IPO5: variants seen among roughly 807,000 people sequenced by gnomAD.
IPO5 encodes the protein importin-5.
IPO5 carries 18 observed loss-of-function variants against 143.3 expected under a neutral mutation model. The ratio of observed to expected loss-of-function variants is 0.13; its 90% confidence interval spans 0.09 to 0.19. IPO5 has a LOEUF of 0.19. Ranked by LOEUF, IPO5 falls within the 10% of genes least tolerant of loss-of-function variation. The pLI, the probability that IPO5 is intolerant of heterozygous loss-of-function variation, is 1.00. For synonymous variants in IPO5, 477 were observed against 465.7 expected (o/e 1.02, Z -0.31); for missense variants, 1,013 against 1,336.9 (o/e 0.76, Z 3.78).
At chr13:98,019,888 AAG>A in intron 27 of IPO5, 79 bp downstream of exon 27, 1 of 906,330 alleles carries the variant, frequency 1.1e-6, no homozygotes, top group Non-Finnish European at 1.8e-6. Flanking sequence ...TCAGTCTTTT[AAG>A]GTTTAACCAC....
At chr13:97,985,941 G>A (rs1887304291) in intron 6 of IPO5, among the ~76,000 whole-genome samples, 2 of 151,940 alleles carry the variant, frequency 1.3e-5, no homozygotes, top group Non-Finnish European at 2.9e-5. Context: ...TGGGCAACAT[G>A]GCAAAACCCC....
At chr13:98,017,038 T>TTCC (rs750119578) in intron 25 of IPO5, among the ~76,000 whole-genome samples, 187 bp downstream of exon 25, 53 of 152,238 alleles carry the variant, frequency 3.5e-4, no homozygotes, top group Non-Finnish European at 7.2e-4. Flanking sequence ...TGCTTGAAGA[T>TTCC]TCCTAACTTG....
At chr13:98,006,873 T>G (rs567290746) in intron 17 of IPO5, among the ~76,000 whole-genome samples, 35 of 149,490 alleles carry the variant, frequency 2.3e-4, no homozygotes, top group African/African-American at 7.4e-4. Flanking sequence ...GGTGTTTTTT[T>G]TTTTTTTTTT....
intron 2 of IPO5, among the ~76,000 whole-genome samples, chr13:97,966,459 T>G (rs1885345751): frequency 6.6e-6 from 1 of 152,192 alleles, no homozygotes; most frequent in Admixed American, 6.5e-5. Context: ...AACCTTTCAT[T>G]CCTGGGATAA....
chr13:97,996,928 A>G (rs1386735837), intron 11 of IPO5, among the ~76,000 whole-genome samples: 2 of 152,190 alleles, frequency 1.3e-5, no homozygotes, highest in African/African-American at 4.8e-5. Context: ...TGAAGATAGT[A>G]ATAACAATTT....
At chr13:98,002,087 C>G (rs1391006354) in intron 13 of IPO5, 1 of 156,480 alleles carries the variant, frequency 6.4e-6, no homozygotes, top group East Asian at 1.9e-4. Context: ...GATCTCGGCT[C>G]ACTGCAAGCT....
chr13:97,999,692 A>G (rs993863854), intron 12 of IPO5, among the ~76,000 whole-genome samples: 1 of 152,212 alleles, frequency 6.6e-6, no homozygotes, highest in Admixed American at 6.5e-5. Flanking sequence ...TTTTATGCCC[A>G]CATTCCTTTG....
chr13:97,998,645 T>A (rs1036920760), intron 12 of IPO5, among the ~76,000 whole-genome samples: 5 of 152,192 alleles, frequency 3.3e-5, no homozygotes, highest in African/African-American at 1.2e-4. Flanking sequence ...GCCCCTTACA[T>A]GTATGTGAAA....
chr13:97,996,618 T>C (rs1822918602), intron 11 of IPO5, among the ~76,000 whole-genome samples: 1 of 152,188 alleles, frequency 6.6e-6, no homozygotes, highest in South Asian at 2.1e-4. Flanking sequence ...TTTTTTCTTT[T>C]TTTAGACAGA....
intron 6 of IPO5, among the ~76,000 whole-genome samples, chr13:97,988,854 G>T (rs1887589873): frequency 6.7e-6 from 1 of 150,308 alleles, no homozygotes; most frequent in African/African-American, 2.4e-5. Flanking sequence ...TGGTTTGTTG[G>T]TTTGTTTGGT....
intron 1 of IPO5, 28 bp downstream of exon 1, chr13:97,953,744 G>C (rs1377815764): frequency 3.1e-6 from 1 of 325,046 alleles, no homozygotes; most frequent in African/African-American, 2.2e-5. Context: ...CTCACATTCA[G>C]ATGAAACCAT....
intron 4 of IPO5, among the ~76,000 whole-genome samples, chr13:97,981,661 C>T (rs2139635871): frequency 6.6e-6 from 1 of 152,328 alleles, no homozygotes; most frequent in Middle Eastern, 3.4e-3. Context: ...TACTAAGAGG[C>T]TTCTTAGAGT....
At chr13:97,965,303 C>T (rs1885236362) in intron 2 of IPO5, among the ~76,000 whole-genome samples, 1 of 151,984 alleles carries the variant, frequency 6.6e-6, no homozygotes, top group Non-Finnish European at 1.5e-5. Context: ...CACATGTATA[C>T]CTATGTAACA....
At chr13:97,995,757 AAATAATAAT>A (rs796361663) in intron 11 of IPO5, among the ~76,000 whole-genome samples, 1 of 151,616 alleles carries the variant, frequency 6.6e-6, no homozygotes, top group South Asian at 2.1e-4. Flanking sequence ...TCTGTCTCAA[AAATAATAAT>A]AATAATAATA....
chr13:97,954,130 G>T lies in IPO5; in HGVS notation c.-181G>T, dbSNP rs1299684105. The stretch of plus-strand genomic sequence containing the variant: ...TTTATTTCACTTAGGTGGTTCCGGG[G>T]AGAAGCCTTTCCAGGACCCATGTGT... On this transcript the variant is annotated 5_prime_UTR_variant, in exon 2 of 29. Transcript: ENST00000651721. The T allele has an allele frequency of 7.8e-6, 2 of 255,086 alleles. No homozygotes were observed. Among genetic ancestry groups the T allele is most frequent in the Non-Finnish European group, 1.6e-5 (2 of 126,716 alleles). The allele number at this position is 255,086 out of a possible 1,614,324, so 15.8% of individuals were successfully genotyped here.
chr13:97,982,291 A>G (rs1471743993), intron 4 of IPO5: 1 of 497,120 alleles, frequency 2.0e-6, no homozygotes. Context: ...ACATTTGTTT[A>G]AGAGATATAT....
intron 3 of IPO5, among the ~76,000 whole-genome samples, chr13:97,970,972 G>C (rs1885781061): frequency 6.6e-6 from 1 of 152,034 alleles, no homozygotes; most frequent in African/African-American, 2.4e-5. Context: ...CTACTGCCAG[G>C]TATTTTAATC....
intron 3 of IPO5, among the ~76,000 whole-genome samples, chr13:97,975,416 G>A (rs1223129770): frequency 6.6e-6 from 1 of 152,216 alleles, no homozygotes; most frequent in African/African-American, 2.4e-5. Flanking sequence ...GTTTGAACCC[G>A]GGAGGCAGAG....
rs868656773 is a variant in IPO5 at position 97,991,223 on chromosome 13, A to G, written c.669+686A>G. On this transcript the variant is annotated intron_variant, in intron 9 of 28. Coordinates refer to ENST00000651721, the MANE Select transcript of IPO5 (RefSeq NM_002271.6). ...ATATATATGCATAATTTTTTAGAATATTAATATATGGCCTTAATACAAAAA... is the reference window on the plus strand; with the variant it reads ...ATATATATGCATAATTTTTTAGAATGTTAATATATGGCCTTAATACAAAAA... Among the ~76,000 whole-genome samples, 13 of 152,254 alleles carry G rather than the reference A, an allele frequency of 8.5e-5. No homozygotes were observed. The South Asian group carries it at 1.9e-3, about 22-fold the overall frequency.
Sources: allele counts gnomAD v4.1 joint callset (sites outside exome capture counted in the v4.1 genomes callset), GRCh38; gene constraint gnomAD v4.1.1; transcripts MANE v1.5; gene names NCBI Gene and HGNC (gene_info 2026-07-23, HGNC 2026-07-21).